FCRL3: variants seen among roughly 807,000 people sequenced by gnomAD.
The protein encoded by FCRL3 is Fc receptor like 3.
A neutral mutation model predicts 75.0 loss-of-function variants in FCRL3; 89 were observed. The observed-to-expected ratio is 1.19, with a 90% confidence interval of 1.00 to 1.42. The LOEUF (loss-of-function observed/expected upper bound fraction) is 1.42, where lower values mean the gene tolerates loss of function less well. Ranked by LOEUF, FCRL3 falls within the 40% of genes most tolerant of loss-of-function variation. The probability of loss-of-function intolerance (pLI) is 0.00; values close to 1 mark genes in which losing one functional copy is unlikely to be tolerated. For synonymous variants in FCRL3, 376 were observed against 348.5 expected (o/e 1.08, Z -0.88); for missense variants, 946 against 880.0 (o/e 1.07, Z -0.95).
At chr1:157,685,017 A>G (rs981985611) in intron 10 of FCRL3, among the ~76,000 whole-genome samples, 1 of 152,020 alleles carries the variant, frequency 6.6e-6, no homozygotes. Flanking sequence ...CTAATTCCTT[A>G]GTGAGTTTGT....
chr1:157,699,643 G>C, intron 3 of FCRL3, 49 bp downstream of exon 3: 1 of 1,608,810 alleles, frequency 6.2e-7, no homozygotes. Context: ...TGTGGGCTGA[G>C]GGGACCAATA....
In FCRL3 at chr1:157,678,311, A is replaced by T; in HGVS notation, c.*399T>A. The T allele has an allele frequency of 9.9e-7, 1 of 1,013,366 alleles. No individual in the cohort carries two copies. The highest frequency in any genetic ancestry group is 1.2e-6 in the Non-Finnish European group (1 of 847,008). 62.8% of individuals were successfully genotyped at this position (1,013,366 alleles called of 1,614,324 possible). A position where few individuals can be genotyped will look rare whatever the true frequency, so the allele number is the denominator to read the frequency against. On this transcript the variant is annotated 3_prime_UTR_variant, in exon 15 of 15. Transcript: ENST00000368184. ...CCACTACCAGCCACACAAAAAAGGG[A>T]AACAAAATATTTGGAGCAAATTGTT...
chr1:157,684,470 C>T (rs1328834861), intron 10 of FCRL3, among the ~76,000 whole-genome samples: 4 of 152,170 alleles, frequency 2.6e-5, no homozygotes, highest in Non-Finnish European at 5.9e-5. Context: ...TCACAATCCA[C>T]ATCAGTCAAT....
At position 157,697,385 on chromosome 1, in the gene FCRL3, G is replaced by C; in HGVS notation, c.599C>G (p.Thr200Arg). Residue 200 changes from threonine (T) to arginine (R), a missense_variant, in exon 6 of 15, where the codon ACG (threonine) becomes AGG (arginine). Coordinates refer to ENST00000368184, the MANE Select transcript of FCRL3 (RefSeq NM_052939.4). ...GGTCATGGGACTCCCCTCTATGGGC[G>C]TGGAAGAGCTGGCTCTCAGCACAGG... ...LHPVLRASSS[T>R]PIEGSPMTLT... is the part of the protein sequence containing the mutation. The C allele has an allele frequency of 6.4e-7, 1 of 1,566,536 alleles. No individual in the cohort carries two copies. The highest frequency in any genetic ancestry group is 8.6e-7 in the Non-Finnish European group (1 of 1,160,722).
At chr1:157,694,969 AT>A (rs1314840400) in intron 8 of FCRL3, among the ~76,000 whole-genome samples, 2 of 151,942 alleles carry the variant, frequency 1.3e-5, no homozygotes, top group South Asian at 4.2e-4. Context: ...TGATCCAGTC[AT>A]TTTTTTCCTG....
chr1:157,680,552 G>A (rs1324266867), intron 13 of FCRL3, 150 bp downstream of exon 13: 6 of 643,134 alleles, frequency 9.3e-6, no homozygotes, highest in Non-Finnish European at 1.6e-5. Flanking sequence ...AAGGTAAGAA[G>A]AAATGGATAG....
intron 7 of FCRL3, 54 bp downstream of exon 7, chr1:157,695,986 G>A (rs1655871205): frequency 6.6e-7 from 1 of 1,513,582 alleles, no homozygotes; most frequent in Admixed American, 1.9e-5. Flanking sequence ...GGCTGACAGA[G>A]AACCTAAACC....
chr1:157,700,611 G>A, intron 1 of FCRL3, 26 bp from the exon 2 acceptor site: 1 of 1,564,844 alleles, frequency 6.4e-7, no homozygotes, highest in Non-Finnish European at 8.7e-7. Flanking sequence ...AAGGGAAGAA[G>A]AGCTTAGTGT....
intron 11 of FCRL3, among the ~76,000 whole-genome samples, chr1:157,681,766 G>T (rs1654865147): frequency 6.6e-6 from 1 of 152,060 alleles, no homozygotes; most frequent in Admixed American, 6.5e-5. Flanking sequence ...TCAGTAATGG[G>T]ATGGCTGGGT....
intron 12 of FCRL3, 64 bp from the exon 13 acceptor site, chr1:157,680,834 A>G (rs1033300219): frequency 6.6e-7 from 1 of 1,525,278 alleles, no homozygotes; most frequent in Non-Finnish European, 9.1e-7. Context: ...CTACTTCCCA[A>G]TCACCAAATT....
intron 10 of FCRL3, among the ~76,000 whole-genome samples, chr1:157,685,847 C>T (rs1044305469): frequency 1.3e-5 from 2 of 152,006 alleles, no homozygotes; most frequent in East Asian, 1.9e-4. Context: ...TCCTGAATAA[C>T]TCCTGGGTAA....
intron 1 of FCRL3, 24 bp downstream of exon 1, chr1:157,700,638 C>A: frequency 6.7e-7 from 1 of 1,498,258 alleles, no homozygotes; most frequent in South Asian, 1.3e-5. Flanking sequence ...TTGCTTTGGG[C>A]TCTGAAAATG....
At chr1:157,690,928 G>A (rs1471877669) in intron 8 of FCRL3, among the ~76,000 whole-genome samples, 2 of 152,000 alleles carry the variant, frequency 1.3e-5, no homozygotes, top group African/African-American at 4.8e-5. Flanking sequence ...CTAAAGGCAG[G>A]ACCCATTACT....
upstream of FCRL3, chr1:157,700,951 G>A (rs1656279861): frequency 5.9e-6 from 1 of 168,810 alleles, no homozygotes; most frequent in African/African-American, 2.4e-5. Flanking sequence ...AAGGTGTCAA[G>A]CATATGCCTT....
chr1:157,698,833 G>T (rs1307210929), intron 3 of FCRL3, among the ~76,000 whole-genome samples: 1 of 152,202 alleles, frequency 6.6e-6, no homozygotes, highest in African/African-American at 2.4e-5. Context: ...TGGGCAGAAG[G>T]GTATTATAGG....
chr1:157,697,520 A>G lies in FCRL3; in HGVS notation c.560-96T>C. 2.1e-6 allele frequency: 3 copies of G among 1,460,806 alleles called. No homozygotes were observed. In the South Asian group the frequency reaches 4.2e-5, roughly 20 times the overall value. The allele number at this position is 1,460,806 out of a possible 1,614,324, so 90.5% of individuals were successfully genotyped here. ...CTCAGCACCAGCCATCAGGAGATAG[A>G]GAAGCATGCAGAAGGAACCATCTCC... On this transcript the variant is annotated intron_variant, in intron 5 of 14. Coordinates refer to ENST00000368184, the MANE Select transcript of FCRL3 (RefSeq NM_052939.4).
rs6694765 is a variant in FCRL3 at position 157,679,036 on chromosome 1, G to C, written c.2027-63C>G. The stretch of plus-strand genomic sequence containing the variant: ...TGGGCAATATATTCCAACTTACAAC[G>C]TACGCACACTGCATTCCAAACCAAT... On this transcript the variant is annotated intron_variant, in intron 13 of 14. Transcript: ENST00000368184. 11,591 of 1,543,822 alleles carry C rather than the reference G, an allele frequency of 7.5e-3. 700 individuals are homozygous for C. In the African/African-American group the frequency reaches 0.14, roughly 18 times the overall value.
chr1:157,699,768 C>G (rs1310115256), intron 2 of FCRL3, 56 bp from the exon 3 acceptor site: 8 of 1,582,794 alleles, frequency 5.1e-6, no homozygotes, highest in Non-Finnish European at 6.9e-6. Flanking sequence ...TTCTAACAAC[C>G]TAACCACAAC....
chr1:157,696,959 G>A, intron 6 of FCRL3, 181 bp downstream of exon 6: 1 of 460,450 alleles, frequency 2.2e-6, no homozygotes, highest in Non-Finnish European at 3.6e-6. Context: ...ACTATTACCT[G>A]ACTCAAGTGG....
Sources: gnomAD v4.1 joint callset for allele counts (sites outside exome capture counted in the v4.1 genomes callset) on GRCh38, gnomAD v4.1.1 for gene constraint, MANE v1.5 for transcripts, NCBI Gene and HGNC (gene_info 2026-07-23, HGNC 2026-07-21) for gene names.